The following ITGA11 variants were observed in gnomAD, a reference collection of about 807,000 sequenced individuals.
ITGA11 encodes integrin subunit alpha 11.
In ITGA11, 97 loss-of-function variants were observed where a neutral mutation model predicts 141.9. That is an observed-to-expected ratio of 0.68 (90% CI 0.58 to 0.81). The LOEUF is 0.81. ITGA11 is among the 30% of genes least tolerant of loss of function. The pLI is 0.00. For missense variants in ITGA11, 1,387 were observed against 1,559.2 expected (o/e 0.89, Z 1.86); for synonymous variants, 658 against 624.6 (o/e 1.05, Z -0.80).
At chr15:68,359,833 C>G (rs1465564586) in intron 5 of ITGA11, among the ~76,000 whole-genome samples, 1 of 152,176 alleles carries the variant, frequency 6.6e-6, no homozygotes, top group African/African-American at 2.4e-5. Context: ...TGCATACACT[C>G]TGCGTCTGGG....
At chr15:68,367,070 G>GGA (rs891313169) in intron 3 of ITGA11, among the ~76,000 whole-genome samples, 17 of 152,226 alleles carry the variant, frequency 1.1e-4, no homozygotes, top group African/African-American at 3.9e-4. Flanking sequence ...CTTCTCAGTG[G>GGA]GAGAGAGAGA....
chr15:68,347,375 C>A (rs573934287), intron 10 of ITGA11, among the ~76,000 whole-genome samples: 2 of 152,234 alleles, frequency 1.3e-5, no homozygotes, highest in Non-Finnish European at 2.9e-5. Flanking sequence ...CACCTGCCAA[C>A]CTTGTAGGGC....
chr15:68,364,609 G>T, intron 4 of ITGA11, 98 bp downstream of exon 4: 1 of 941,166 alleles, frequency 1.1e-6, no homozygotes, highest in Non-Finnish European at 1.7e-6. Flanking sequence ...GAGAGTGGGT[G>T]TACAGGATGG....
chr15:68,370,621 G>A (rs915154667), intron 2 of ITGA11, among the ~76,000 whole-genome samples: 1 of 152,212 alleles, frequency 6.6e-6, no homozygotes, highest in African/African-American at 2.4e-5. Flanking sequence ...GCTAAGAACG[G>A]TAACCCTTCC....
At chr15:68,391,958 T>C (rs1484440847) in intron 2 of ITGA11, among the ~76,000 whole-genome samples, 1 of 152,218 alleles carries the variant, frequency 6.6e-6, no homozygotes, top group Non-Finnish European at 1.5e-5. Flanking sequence ...GTAAACAATA[T>C]GGATGTCATG....
At position 68,298,310 on chromosome 15, in the gene ITGA11, G is replaced by A. The variant is rs1439413482; in HGVS notation, c.*4749C>T. On this transcript the variant is annotated 3_prime_UTR_variant, in exon 30 of 30. Transcript: ENST00000315757. ...CTCAGTCCATCAGAGGGGCGGACTG[G>A]GGTTTTGCTTTTGCCTTAATCAATG... 7 of 152,122 alleles carry A rather than the reference G, an allele frequency of 4.6e-5. No homozygotes were observed. Among genetic ancestry groups the A allele is most frequent in the Non-Finnish European group, 1.0e-4 (7 of 68,012 alleles). 9.4% of individuals were successfully genotyped at this position (152,122 alleles called of 1,614,324 possible). A position where few individuals can be genotyped will look rare whatever the true frequency, so the allele number is the denominator to read the frequency against.
intron 2 of ITGA11, among the ~76,000 whole-genome samples, chr15:68,399,785 A>G (rs1421123842): frequency 6.6e-6 from 1 of 152,098 alleles, no homozygotes; most frequent in Non-Finnish European, 1.5e-5. Context: ...AACTATAGAC[A>G]TTGAGGACCA....
chr15:68,388,716 C>A (rs1403553466), intron 2 of ITGA11, among the ~76,000 whole-genome samples: 1 of 152,178 alleles, frequency 6.6e-6, no homozygotes, highest in African/African-American at 2.4e-5. Flanking sequence ...TCTTTGCTCA[C>A]CTAGACTTCT....
intron 7 of ITGA11, among the ~76,000 whole-genome samples, chr15:68,352,484 T>C (rs999211792): frequency 1.3e-5 from 2 of 152,124 alleles, no homozygotes; most frequent in African/African-American, 4.8e-5. Context: ...TGAGCCACCG[T>C]GCCGGGCTGG....
rs1390484707 is a variant in ITGA11 at position 68,348,820 on chromosome 15, C to G, written c.1131+10G>C. The G allele has an allele frequency of 6.2e-7, 1 of 1,604,652 alleles. No individual in the cohort carries two copies. The highest frequency in any genetic ancestry group is 1.3e-5 in the African/African-American group (1 of 74,814). ...AGGCTGGGCTCTGTGCCCGTACCTC[C>G]ACCACATACCTCCACCACGTGCGAG... On this transcript the variant is annotated intron_variant, in intron 10 of 29. Transcript: ENST00000315757.
rs1893047122 is a variant in ITGA11, at chr15:68,302,058, G to C, written c.*1001C>G. ...GCATGAGGGAAGGATGGGAGGCAGT[G>C]TGTGTGTGTGTGTGTGTGTGTGTGT... On this transcript the variant is annotated 3_prime_UTR_variant, in exon 30 of 30. Coordinates refer to ENST00000315757, the MANE Select transcript of ITGA11 (RefSeq NM_001004439.2). 2.8e-5 allele frequency: 1 copy of C among 35,974 alleles called. No homozygotes were observed. The highest frequency in any genetic ancestry group is 3.5e-4 in the East Asian group (1 of 2,820). The allele number at this position is 35,974 out of a possible 1,614,324, so 2.2% of individuals were successfully genotyped here. A position where few individuals can be genotyped will look rare whatever the true frequency, so the allele number is the denominator to read the frequency against.
rs1284178143 is a variant in ITGA11, at chr15:68,328,048, G to A, written c.2068+48C>T. 1.3e-6 allele frequency: 2 copies of A among 1,560,088 alleles called. No individual in the cohort carries two copies. The highest frequency in any genetic ancestry group is 1.7e-6 in the Non-Finnish European group (2 of 1,147,716). The stretch of plus-strand genomic sequence containing the variant: ...GGCTTTGAAATAGAGCAAGGTGCAG[G>A]GGGAGACTGGAGTCTGGGGGTGGGG... On this transcript the variant is annotated intron_variant, in intron 16 of 29. Coordinates refer to ENST00000315757, the MANE Select transcript of ITGA11 (RefSeq NM_001004439.2). This position sits in a 1 kb window ranked among gnomAD's most constrained non-coding sequence, Gnocchi z 4.8.
At position 68,303,007 on chromosome 15, in the gene ITGA11, C is replaced by T; in HGVS notation, c.*52G>A. ...GGGGCCACAGGCCTGGGTCTCAACA[C>T]TACCTGGACTGGTGTCCTGGCCCCC... On this transcript the variant is annotated 3_prime_UTR_variant, in exon 30 of 30. Coordinates refer to ENST00000315757, the MANE Select transcript of ITGA11 (RefSeq NM_001004439.2). The surrounding 1 kb of genome is among the most constrained non-coding windows in gnomAD (Gnocchi z 5.3). 2.1e-6 allele frequency: 3 copies of T among 1,452,348 alleles called. No homozygotes were observed. Among genetic ancestry groups the T allele is most frequent in the Non-Finnish European group, 2.8e-6 (3 of 1,064,884 alleles). The allele number at this position is 1,452,348 out of a possible 1,614,324, so 90.0% of individuals were successfully genotyped here. A position where few individuals can be genotyped will look rare whatever the true frequency, so the allele number is the denominator to read the frequency against.
chr15:68,364,671 CTCTCCTG>C, intron 4 of ITGA11, 29 bp downstream of exon 4: 1 of 1,505,826 alleles, frequency 6.6e-7, no homozygotes, highest in Non-Finnish European at 9.2e-7. Flanking sequence ...CCACCCCTGC[CTCTCCTG>C]ACCCCAAGCA....
chr15:68,375,304 T>C (rs986586285), intron 2 of ITGA11, among the ~76,000 whole-genome samples: 1 of 152,236 alleles, frequency 6.6e-6, no homozygotes, highest in Non-Finnish European at 1.5e-5. Flanking sequence ...GGGGTTTCAC[T>C]GGAGGAGCCG....
rs370829589 is a variant in ITGA11, at chr15:68,311,072, C to T, written c.3096G>A (p.Thr1032=). 181 of 1,607,304 alleles carry T rather than the reference C, an allele frequency of 1.1e-4. No individual in the cohort carries two copies. The African/African-American group carries it at 2.1e-3, about 19-fold the overall frequency. ...TGCTATTGCCCCAGATGTTACAGGA[C>T]GTGTTCGCCTACATAAAGGACATGG... ...LRDFLTDEAN[T]SCNIWGNSTE... is the part of the protein sequence containing the mutation. The change falls in exon 26 of 30, where the codon ACG becomes ACA. Residue 1032 remains threonine, a synonymous_variant. Coordinates refer to ENST00000315757, the MANE Select transcript of ITGA11 (RefSeq NM_001004439.2).
At chr15:68,337,836 AG>A (rs1189827001) in intron 11 of ITGA11, among the ~76,000 whole-genome samples, 1 of 152,134 alleles carries the variant, frequency 6.6e-6, no homozygotes, top group African/African-American at 2.4e-5. Context: ...CCCCTGCTCC[AG>A]CCACACTCAT....
Position 68,358,586 on chromosome 15 carries a change from C to A in ITGA11, c.473-1G>T. Reference sequence around the variant, plus strand: ...ACGATGTCCATGTAGGTCTGGCACCCTGGAAAGTGGGGACACAGTTATGGC... The same window carrying A: ...ACGATGTCCATGTAGGTCTGGCACCATGGAAAGTGGGGACACAGTTATGGC... On this transcript the variant is annotated splice_acceptor_variant, in intron 5 of 29. Coordinates refer to ENST00000315757, the MANE Select transcript of ITGA11 (RefSeq NM_001004439.2). LOFTEE classifies it high-confidence loss of function. The A allele has an allele frequency of 6.2e-7, 1 of 1,609,630 alleles. No homozygotes were observed. The highest frequency in any genetic ancestry group is 1.1e-5 in the South Asian group (1 of 90,136).
rs558122718 is a variant in ITGA11 at position 68,335,379 on chromosome 15, T to C, written c.1425+318A>G. ...ATAGCTTTCCAATTTGCATTCATCA[T>C]TGTCCACCACAGGACTCTTGGCAGC... On this transcript the variant is annotated intron_variant, in intron 12 of 29. Coordinates refer to ENST00000315757, the MANE Select transcript of ITGA11 (RefSeq NM_001004439.2). This position sits in a 1 kb window ranked among gnomAD's most constrained non-coding sequence, Gnocchi z 4.9. 2.0e-5 allele frequency among the ~76,000 whole-genome samples: 3 copies of C among 152,362 alleles called. No individual in the cohort carries two copies. The East Asian group carries it at 5.8e-4, about 29-fold the overall frequency.
Sources: allele counts gnomAD v4.1 joint callset (sites outside exome capture counted in the v4.1 genomes callset), GRCh38; gene constraint gnomAD v4.1.1; non-coding constraint Gnocchi (gnomAD v3.1); transcripts MANE v1.5; gene names NCBI Gene and HGNC (gene_info 2026-07-23, HGNC 2026-07-21).